CPAMD8: variants seen among roughly 807,000 people sequenced by gnomAD.
The protein encoded by CPAMD8 is C3 and PZP-like alpha-2-macroglobulin domain-containing protein 8.
CPAMD8 carries 146 observed loss-of-function variants against 224.7 expected under a neutral mutation model. The ratio of observed to expected loss-of-function variants is 0.65; its 90% confidence interval spans 0.57 to 0.75. CPAMD8 has a LOEUF of 0.75. Ranked by LOEUF, CPAMD8 falls within the 30% of genes least tolerant of loss-of-function variation. The probability of loss-of-function intolerance (pLI) is 0.00; values close to 1 mark genes in which losing one functional copy is unlikely to be tolerated. For missense variants in CPAMD8, 2,301 were observed against 2,537.5 expected (o/e 0.91, Z 2.00); for synonymous variants, 966 against 1,044.6 (o/e 0.92, Z 1.45).
chr19:16,902,724 G>A lies in CPAMD8; in HGVS notation c.4610C>T (p.Pro1537Leu). Residue 1537 changes from proline to leucine, a missense_variant, in exon 35 of 42, where the codon CCC becomes CTC. Around this residue, in one of 4 missense-constraint regions of CPAMD8, gnomAD observed 1,709 missense variants for 1,753.2 expected, o/e 0.97. Coordinates refer to ENST00000443236, the MANE Select transcript of CPAMD8 (RefSeq NM_015692.5). The part of the protein sequence containing the change: ...SAAEGSRGDW[P>L]PADDDDPAAD... ...CGCTGGGTCATCATCGTCAGCTGGGGGCCAGTCTCCTCGGGAACCCTCAGC... is the reference window on the plus strand; with the variant it reads ...CGCTGGGTCATCATCGTCAGCTGGGAGCCAGTCTCCTCGGGAACCCTCAGC... 6.2e-7 allele frequency: 1 copy of A among 1,603,346 alleles called. No individual in the cohort carries two copies. The highest frequency in any genetic ancestry group is 8.5e-7 in the Non-Finnish European group (1 of 1,173,076).
At chr19:16,974,961 C>G in intron 17 of CPAMD8, 136 bp downstream of exon 17, 1 of 1,200,804 alleles carries the variant, frequency 8.3e-7, no homozygotes. Context: ...GGCCACAGAG[C>G]GAGACCCCAT....
chr19:16,915,343 T>G (rs2052907584), intron 27 of CPAMD8, among the ~76,000 whole-genome samples: 1 of 151,932 alleles, frequency 6.6e-6, no homozygotes, highest in South Asian at 2.1e-4. Context: ...GCTGCAGCCA[T>G]TTTGCCACCA....
Position 16,906,411 on chromosome 19 carries a change from C to CT in CPAMD8, c.4027+540dup, listed in dbSNP as rs1434733667. Among the ~76,000 whole-genome samples, 331 of 64,266 alleles carry CT rather than the reference C, an allele frequency of 5.2e-3. 1 individual carries two copies. Among genetic ancestry groups the CT allele is most frequent in the African/African-American group, 5.8e-3 (87 of 15,122 alleles). 42.2% of individuals were successfully genotyped at this position (64,266 alleles called of 152,430 possible). A position where few individuals can be genotyped will look rare whatever the true frequency, so the allele number is the denominator to read the frequency against. On this transcript the variant is annotated intron_variant, in intron 30 of 41. Transcript: ENST00000443236. ...CTTTCTTTCTTTCTTTCTTTCTTTC[C>CT]TTCCTTCCTTCCTTCCTTCCTTCCT...
chr19:16,956,584 C>T (rs542134798), intron 19 of CPAMD8, among the ~76,000 whole-genome samples: 2 of 152,310 alleles, frequency 1.3e-5, no homozygotes, highest in Admixed American at 6.5e-5. Context: ...AATTCTAACA[C>T]GTTGAGAGGC....
At chr19:16,895,740 C>T in intron 41 of CPAMD8, 1 of 364,084 alleles carries the variant, frequency 2.7e-6, no homozygotes, top group South Asian at 2.0e-5. Context: ...AGGCAATGCT[C>T]ATTGGGGCAT....
At chr19:16,944,149 T>C (rs2053995003) in intron 22 of CPAMD8, among the ~76,000 whole-genome samples, 2 of 152,226 alleles carry the variant, frequency 1.3e-5, no homozygotes, top group South Asian at 4.1e-4. Context: ...TTCAGCTTCC[T>C]GCTCCTAAGT....
intron 3 of CPAMD8, among the ~76,000 whole-genome samples, chr19:17,013,832 G>T (rs755898011): frequency 6.6e-6 from 1 of 150,884 alleles, no homozygotes; most frequent in Non-Finnish European, 1.5e-5. Context: ...CCACACAGAT[G>T]GGAGAAAAAA....
chr19:16,901,848 C>T (rs1467008684), intron 35 of CPAMD8, among the ~76,000 whole-genome samples: 1 of 152,058 alleles, frequency 6.6e-6, no homozygotes, highest in Non-Finnish European at 1.5e-5. Context: ...CTTGCAGCTG[C>T]GGGGAGTGCA....
chr19:16,979,386 T>TCCATCCATC (rs1599836075), intron 14 of CPAMD8, among the ~76,000 whole-genome samples: 1 of 133,452 alleles, frequency 7.5e-6, no homozygotes, highest in African/African-American at 3.0e-5. Flanking sequence ...ATCTGTCCAT[T>TCCATCCATC]CATCCATCCA....
chr19:16,994,389 C>T (rs1308941876), intron 11 of CPAMD8, among the ~76,000 whole-genome samples: 1 of 151,996 alleles, frequency 6.6e-6, no homozygotes, highest in African/African-American at 2.4e-5. Flanking sequence ...ATGAGGCAGA[C>T]ATAGATGTTT....
At chr19:17,022,683 GAGGC>G (rs2056990917) in intron 1 of CPAMD8, among the ~76,000 whole-genome samples, 1 of 152,000 alleles carries the variant, frequency 6.6e-6, no homozygotes, top group Non-Finnish European at 1.5e-5. Flanking sequence ...CTTTTTAGTA[GAGGC>G]AGGGTTTTGC....
intron 20 of CPAMD8, among the ~76,000 whole-genome samples, chr19:16,948,422 C>T (rs1308259396): frequency 6.6e-6 from 1 of 152,152 alleles, no homozygotes; most frequent in Non-Finnish European, 1.5e-5. Context: ...CAGGAATCCC[C>T]ACATCCCCCT....
intron 27 of CPAMD8, among the ~76,000 whole-genome samples, chr19:16,920,824 C>A (rs2053143711): frequency 6.7e-6 from 1 of 150,234 alleles, no homozygotes; most frequent in Non-Finnish European, 1.5e-5. Context: ...CCACTGCACT[C>A]CAGCCTGGGG....
At chr19:16,977,052 T>G (rs543498392) in intron 15 of CPAMD8, among the ~76,000 whole-genome samples, 90 of 149,752 alleles carry the variant, frequency 6.0e-4, no homozygotes, top group African/African-American at 2.2e-3. Context: ...AAAATAATAA[T>G]AATAATAATA....
At chr19:16,915,802 AGCCTGCCC>A (rs1291555930) in intron 27 of CPAMD8, among the ~76,000 whole-genome samples, 3 of 139,600 alleles carry the variant, frequency 2.1e-5, no homozygotes, top group Non-Finnish European at 4.8e-5. Context: ...GGGATGCATT[AGCCTGCCC>A]GCCTGCCCGC....
intron 1 of CPAMD8, among the ~76,000 whole-genome samples, chr19:17,025,296 C>G (rs1241187707): frequency 6.6e-6 from 1 of 152,086 alleles, no homozygotes; most frequent in African/African-American, 2.4e-5. Context: ...CCTGTAATCC[C>G]AGCTACTCAG....
chr19:16,901,367 C>T, intron 35 of CPAMD8, 70 bp from the exon 36 acceptor site: 1 of 1,024,262 alleles, frequency 9.8e-7, no homozygotes, highest in Non-Finnish European at 1.5e-6. Context: ...GGTCCCCTCT[C>T]CCCCTGGAGC....
chr19:16,960,660 G>A (rs950411363), intron 18 of CPAMD8, among the ~76,000 whole-genome samples: 5 of 151,798 alleles, frequency 3.3e-5, no homozygotes, highest in African/African-American at 9.7e-5. Context: ...CCAGCACTTC[G>A]GGAGACTGAG....
chr19:16,987,179 A>AAAT (rs1555784836), intron 13 of CPAMD8, among the ~76,000 whole-genome samples: 16 of 53,920 alleles, frequency 3.0e-4, no homozygotes, highest in East Asian at 1.0e-3. Flanking sequence ...AAAAAAAAAA[A>AAAT]ATATATATAT....
Sources: allele counts gnomAD v4.1 joint callset (sites outside exome capture counted in the v4.1 genomes callset), GRCh38; gene constraint gnomAD v4.1.1; regional missense constraint gnomAD v4.1.1; transcripts MANE v1.5; gene names NCBI Gene and HGNC (gene_info 2026-07-23, HGNC 2026-07-21).